FBXO40: variants seen among roughly 807,000 people sequenced by gnomAD.
FBXO40 encodes F-box only protein 40.
A neutral mutation model predicts 49.9 loss-of-function variants in FBXO40; 50 were observed. The observed-to-expected ratio is 1.00, with a 90% CI of 0.80 to 1.27. FBXO40 has a LOEUF of 1.27. FBXO40 is among the 50% of genes most tolerant of loss of function. The pLI is 0.00. For synonymous variants in FBXO40, 340 were observed against 320.2 expected, an observed-to-expected ratio of 1.06 and a Z score of -0.66; for missense variants, 895 against 870.1, an observed-to-expected ratio of 1.03 and a Z score of -0.36.
chr3:121,595,629 G>A (rs1243789354), intron 1 of FBXO40, among the ~76,000 whole-genome samples: 1 of 152,154 alleles, frequency 6.6e-6, no homozygotes, highest in African/African-American at 2.4e-5. Context: ...TACTGGAATC[G>A]CAGCGTCGAA....
intron 1 of FBXO40, among the ~76,000 whole-genome samples, chr3:121,595,465 C>G (rs191875810): frequency 2.0e-5 from 3 of 152,256 alleles, no homozygotes. Context: ...TAGAATAGTA[C>G]TGATACAAAA....
At position 121,621,696 on chromosome 3, in the gene FBXO40, C is replaced by G. The variant is rs143763862; in HGVS notation, c.267C>G (p.Pro89=). ...HKLAKHLQVC[P]ASVVCCSMEW... is the part of the protein sequence containing the mutation. ...TGGCCAAGCACCTGCAGGTGTGCCC[C>G]GCCAGCGTGGTCTGCTGCTCCATGG... Residue 89 remains proline, a synonymous_variant, in exon 3 of 4, where the codon CCC becomes CCG. Transcript: ENST00000338040. 6.2e-7 allele frequency: 1 copy of G among 1,614,218 alleles called. No homozygotes were observed. The highest frequency in any genetic ancestry group is 1.7e-5 in the Admixed American group (1 of 60,034).
At chr3:121,605,397 A>G (rs959788787) in intron 1 of FBXO40, among the ~76,000 whole-genome samples, 10 of 152,190 alleles carry the variant, frequency 6.6e-5, no homozygotes, top group African/African-American at 2.4e-4. Context: ...GGTCGTTGCG[A>G]CCAATCGGTA....
intron 1 of FBXO40, among the ~76,000 whole-genome samples, chr3:121,594,122 C>G (rs1021359500): frequency 1.3e-5 from 2 of 151,952 alleles, no homozygotes; most frequent in Non-Finnish European, 2.9e-5. Context: ...CCCACCTCAG[C>G]CTCCAAAAGC....
intron 1 of FBXO40, among the ~76,000 whole-genome samples, chr3:121,611,247 T>C (rs932618096): frequency 6.6e-6 from 1 of 152,198 alleles, no homozygotes; most frequent in African/African-American, 2.4e-5. Context: ...ACCAAGGACC[T>C]GCACCGGCAC....
chr3:121,603,245 G>A (rs2048910378), intron 1 of FBXO40, among the ~76,000 whole-genome samples: 1 of 152,156 alleles, frequency 6.6e-6, no homozygotes, highest in African/African-American at 2.4e-5. Context: ...GCAAGAATTC[G>A]AGGCAAGTCA....
intron 1 of FBXO40, among the ~76,000 whole-genome samples, chr3:121,600,602 G>A (rs74790649): frequency 0.013 from 1,948 of 152,296 alleles, 22 homozygotes; most frequent in Middle Eastern, 0.027. Context: ...CGATGGGCTT[G>A]CATTTTTCCC....
intron 1 of FBXO40, among the ~76,000 whole-genome samples, chr3:121,603,232 C>T (rs1202925393): frequency 6.6e-6 from 1 of 152,180 alleles, no homozygotes; most frequent in African/African-American, 2.4e-5. Flanking sequence ...CAGATTCCCA[C>T]AGGCAAGAAT....
chr3:121,602,211 G>C (rs1020143515), intron 1 of FBXO40, among the ~76,000 whole-genome samples: 2 of 152,096 alleles, frequency 1.3e-5, no homozygotes, highest in East Asian at 3.8e-4. Context: ...ATCATACTTG[G>C]CTATGTACTT....
chr3:121,614,257 G>A (rs1380209897), intron 1 of FBXO40, among the ~76,000 whole-genome samples: 6 of 130,244 alleles, frequency 4.6e-5, no homozygotes, highest in African/African-American at 6.0e-5. Flanking sequence ...GTGACAGAGC[G>A]AGACTCTAGC....
At chr3:121,625,248 C>T (rs1208220839) in intron 3 of FBXO40, among the ~76,000 whole-genome samples, 1 of 152,160 alleles carries the variant, frequency 6.6e-6, no homozygotes, top group African/African-American at 2.4e-5. Flanking sequence ...CTGTAGCATC[C>T]TTTCTCATGG....
chr3:121,607,300 C>CTTTTTTTTTTTTT lies in FBXO40; in HGVS notation c.-30-13233_-30-13221dup, dbSNP rs555162944. The stretch of plus-strand genomic sequence containing the variant: ...AAAAAATTGAGAGACCTCTAAAGCT[C>CTTTTTTTTTTTTT]TTTTTTTTTTTTTTTTTTTTTTTTT... On this transcript the variant is annotated intron_variant, in intron 1 of 3. Coordinates refer to ENST00000338040, the MANE Select transcript of FBXO40 (RefSeq NM_016298.4). 1.2e-4 allele frequency among the ~76,000 whole-genome samples: 7 copies of CTTTTTTTTTTTTT among 60,128 alleles called. 1 individual carries two copies. The highest frequency in any genetic ancestry group is 2.0e-4 in the Non-Finnish European group (7 of 35,382). 39.4% of individuals were successfully genotyped at this position (60,128 alleles called of 152,430 possible).
intron 1 of FBXO40, among the ~76,000 whole-genome samples, chr3:121,620,277 ATCAGAGGGCAGCGGGGG>A (rs929500178): frequency 1.3e-5 from 2 of 152,218 alleles, no homozygotes; most frequent in Non-Finnish European, 2.9e-5. Flanking sequence ...AATATGCCCT[ATCAGAGGGCAGCGGGGG>A]TCAGTGAAAA....
intron 1 of FBXO40, among the ~76,000 whole-genome samples, chr3:121,605,884 A>G (rs1045891060): frequency 6.6e-6 from 1 of 152,216 alleles, no homozygotes; most frequent in Admixed American, 6.5e-5. Context: ...CAAGCCTGAG[A>G]TGCTAGAGAA....
rs1269451555 is a variant in FBXO40 at position 121,593,485 on chromosome 3, T to C, written c.-48T>C. 1 of 152,334 alleles carries C rather than the reference T, an allele frequency of 6.6e-6. No individual in the cohort carries two copies. Among genetic ancestry groups the C allele is most frequent in the East Asian group, 1.9e-4 (1 of 5,202 alleles). 9.4% of individuals were successfully genotyped at this position (152,334 alleles called of 1,614,324 possible). On this transcript the variant is annotated 5_prime_UTR_variant, in exon 1 of 4. Transcript: ENST00000338040. Reference sequence around the variant, plus strand: ...GGTTCAGGTGCAAGCAGATGCTGACTCAGCCTGTTCCATTAAGGTAAGTAT... The same window carrying C: ...GGTTCAGGTGCAAGCAGATGCTGACCCAGCCTGTTCCATTAAGGTAAGTAT...
chr3:121,599,009 G>T (rs912146991), intron 1 of FBXO40, among the ~76,000 whole-genome samples: 10 of 93,682 alleles, frequency 1.1e-4, no homozygotes, highest in African/African-American at 3.7e-4. Context: ...TAGATCTTGG[G>T]ACTATTTAAA....
At chr3:121,605,632 A>G (rs1297187416) in intron 1 of FBXO40, among the ~76,000 whole-genome samples, 1 of 152,180 alleles carries the variant, frequency 6.6e-6, no homozygotes, top group Non-Finnish European at 1.5e-5. Flanking sequence ...TGAGCTTTTT[A>G]GTTTGGATGT....
intron 1 of FBXO40, among the ~76,000 whole-genome samples, chr3:121,616,035 G>T (rs998606454): frequency 3.3e-5 from 5 of 152,164 alleles, no homozygotes; most frequent in Non-Finnish European, 5.9e-5. Context: ...TTCCACATAT[G>T]AATTTGGGGG....
intron 1 of FBXO40, among the ~76,000 whole-genome samples, chr3:121,597,341 G>T (rs2048877716): frequency 6.6e-6 from 1 of 152,136 alleles, no homozygotes. Flanking sequence ...TTAAGGAATG[G>T]CTCGTGGTGA....
Sources: allele counts gnomAD v4.1 joint callset (sites outside exome capture counted in the v4.1 genomes callset), GRCh38; gene constraint gnomAD v4.1.1; transcripts MANE v1.5; gene names NCBI Gene and HGNC (gene_info 2026-07-23, HGNC 2026-07-21).